Variants in GPS1 observed in about 807,000 individuals in gnomAD.
GPS1 encodes G protein pathway suppressor 1.
Under a neutral mutation model 60.0 loss-of-function variants are expected in GPS1, and 11 were observed. That is an observed-to-expected ratio of 0.18 (90% CI 0.12 to 0.30). The LOEUF is 0.30. Among genes scored for constraint, GPS1 ranks in the 10% least tolerant of loss-of-function variants. The probability of loss-of-function intolerance (pLI) is 1.00; values close to 1 mark genes in which losing one functional copy is unlikely to be tolerated. For synonymous variants in GPS1, 343 were observed against 269.8 expected (o/e 1.27, Z -2.66); for missense variants, 543 against 669.2 (o/e 0.81, Z 2.08).
At chr17:82,051,253 G>C, upstream of GPS1, 1 of 1,342,318 alleles carries the variant, frequency 7.4e-7, no homozygotes. The surrounding 1 kb of genome is among the most constrained non-coding windows in gnomAD (Gnocchi z 4.1). Flanking sequence ...AAAGGCTCGG[G>C]GGGCAGATCC....
chr17:82,057,400 AC>A lies in GPS1; in HGVS notation c.*277del, dbSNP rs1454425486. ...CAGGCCCAGTGGCACCATTTCCCAG[AC>A]CCCTCCTGTTCCCGCCTCAGTCAGG... On this transcript the variant is annotated 3_prime_UTR_variant, in exon 13 of 13. Coordinates refer to ENST00000578552, the MANE Select transcript of GPS1 (RefSeq NM_001321092.3). 1 of 650,200 alleles carries A rather than the reference AC, an allele frequency of 1.5e-6. No individual in the cohort carries two copies. Among genetic ancestry groups the A allele is most frequent in the East Asian group, 3.0e-5 (1 of 33,486 alleles). 40.3% of individuals were successfully genotyped at this position (650,200 alleles called of 1,614,324 possible). A position where few individuals can be genotyped will look rare whatever the true frequency, so the allele number is the denominator to read the frequency against.
At chr17:82,053,810 C>A in intron 2 of GPS1, 58 bp from the exon 3 acceptor site, 1 of 1,529,044 alleles carries the variant, frequency 6.5e-7, no homozygotes, top group Non-Finnish European at 8.9e-7. Flanking sequence ...ACCCTCAGGG[C>A]CTGGGGCCAG....
chr17:82,050,995 AG>A, upstream of GPS1: 1 of 1,421,398 alleles, frequency 7.0e-7, no homozygotes, highest in South Asian at 1.5e-5. Flanking sequence ...AACAGGACGG[AG>A]GCAGCTCGCC....
chr17:82,051,718 C>T (rs1463630374), upstream of GPS1: 3 of 1,044,636 alleles, frequency 2.9e-6, no homozygotes, highest in Non-Finnish European at 3.4e-6. This position sits in a 1 kb window ranked among gnomAD's most constrained non-coding sequence, Gnocchi z 4.1. Flanking sequence ...GCCAGGGCCG[C>T]GGCCAGCGCG....
rs1187482011 is a variant in GPS1, at chr17:82,056,091, A to C, written c.925A>C (p.Ser309Arg). 1 of 1,610,898 alleles carries C rather than the reference A, an allele frequency of 6.2e-7. No homozygotes were observed. Among genetic ancestry groups the C allele is most frequent in the East Asian group, 2.2e-5 (1 of 44,870 alleles). Residue 309 changes from serine to arginine, a missense_variant, in exon 8 of 13, where the codon AGC (serine) becomes CGC (arginine). Physicochemically the swap from Ser to Arg is moderately radical, Grantham distance 110. This residue lies in a region of GPS1 where 291 missense variants were observed against 353.7 expected (regional missense o/e 0.82). Coordinates refer to ENST00000578552, the MANE Select transcript of GPS1 (RefSeq NM_001321092.3). ...RQELQRNVIS[S>R]SSFKLFLELE... ...GGAGCTGCAGCGCAATGTCATCTCC[A>C]GCAGGTAGGTGCCCCGGTCCTGCAG...
chr17:82,051,676 G>A (rs2030640507), upstream of GPS1: 4 of 999,524 alleles, frequency 4.0e-6, no homozygotes, highest in Non-Finnish European at 4.8e-6. The surrounding 1 kb of genome is among the most constrained non-coding windows in gnomAD (Gnocchi z 4.1). Context: ...GCGGGCGCGC[G>A]GGGCAGCGGC....
At chr17:82,050,982 G>A (rs1438738776), upstream of GPS1, 7 of 1,426,712 alleles carry the variant, frequency 4.9e-6, 1 homozygote, top group South Asian at 4.5e-5. Flanking sequence ...TCTCTTGAGT[G>A]GAAACAGGAC....
Position 82,056,364 on chromosome 17 carries a change from A to G in GPS1, c.1008A>G (p.Ser336=). 2 of 1,613,124 alleles carry G rather than the reference A, an allele frequency of 1.2e-6. No homozygotes were observed. Among genetic ancestry groups the G allele is most frequent in the Non-Finnish European group, 1.7e-6 (2 of 1,179,834 alleles). ...IFKFYESKYA[S]CLKMLDEMKD... ...AATTCTACGAGTCCAAGTACGCCTC[A>G]TGTCTCAAGATGCTGGACGAGATGA... The change falls in exon 9 of 13, where the codon TCA becomes TCG. Residue 336 remains serine, a synonymous_variant. Coordinates refer to ENST00000578552, the MANE Select transcript of GPS1 (RefSeq NM_001321092.3).
chr17:82,054,813 C>T lies in GPS1; in HGVS notation c.609+3C>T, dbSNP rs778597131. The T allele has an allele frequency of 2.3e-5, 36 of 1,588,120 alleles. No individual in the cohort carries two copies. In the South Asian group the frequency reaches 3.6e-4, roughly 16 times the overall value. On this transcript the variant is annotated splice_donor_region_variant and intron_variant, in intron 4 of 12. Transcript: ENST00000578552. ...ACATGTGCCTCAATGTCATCAAGGT[C>T]GGCCTGCCTCGGCGGGCGGGGGTGG...
chr17:82,052,112 G>C (rs2030829171), intron 1 of GPS1, 148 bp downstream of exon 1: 1 of 826,242 alleles, frequency 1.2e-6, no homozygotes, highest in South Asian at 5.5e-5. Context: ...GCGCGTCGGG[G>C]GCTGCAGGGC....
intron 2 of GPS1, 82 bp downstream of exon 2, chr17:82,053,448 G>A: frequency 9.9e-7 from 1 of 1,014,824 alleles, no homozygotes. Flanking sequence ...AGCCTGCACA[G>A]CAGGTAGAAT....
At position 82,054,750 on chromosome 17, in the gene GPS1, G is replaced by T. The variant is rs116882446; in HGVS notation, c.549G>T (p.Arg183=). The part of the protein sequence containing the change: ...DLSNALKCYS[R]ARDYCTSAKH... ...GCAACGCCCTCAAGTGCTATTCCCG[G>T]GCCCGGGACTACTGCACCAGCGCCA... Residue 183 remains arginine, a synonymous_variant, in exon 4 of 13, where the codon CGG becomes CGT. Coordinates refer to ENST00000578552, the MANE Select transcript of GPS1 (RefSeq NM_001321092.3). 2,511 of 1,611,568 alleles carry T rather than the reference G, an allele frequency of 1.6e-3. 48 individuals are homozygous for T. The East Asian group carries it at 0.041, about 26-fold the overall frequency.
upstream of GPS1, chr17:82,051,588 A>ACGT (rs1319249731): frequency 7.6e-7 from 1 of 1,309,908 alleles, no homozygotes; most frequent in Non-Finnish European, 9.7e-7. The surrounding 1 kb of genome is among the most constrained non-coding windows in gnomAD (Gnocchi z 4.1). Flanking sequence ...GGCGATGAAG[A>ACGT]CGTCGTCAGG....
Position 82,056,111 on chromosome 17 carries a change from C to G in GPS1, c.929+16C>G. The G allele has an allele frequency of 1.3e-6, 2 of 1,596,416 alleles. No homozygotes were observed. The highest frequency in any genetic ancestry group is 1.7e-6 in the Non-Finnish European group (2 of 1,166,390). ...TCTCCAGCAGGTAGGTGCCCCGGTC[C>G]TGCAGCCCTGAAGGCTGTCCCCGTC... On this transcript the variant is annotated intron_variant, in intron 8 of 12. Transcript: ENST00000578552.
At chr17:82,054,472 G>T in intron 3 of GPS1, 38 bp from the exon 4 acceptor site, 2 of 1,455,276 alleles carry the variant, frequency 1.4e-6, no homozygotes, top group South Asian at 1.4e-5. Context: ...CCTGGCCCCC[G>T]TGACCGCCGC....
At chr17:82,055,110 A>C in intron 5 of GPS1, 52 bp from the exon 6 acceptor site, 4 of 1,565,016 alleles carry the variant, frequency 2.6e-6, no homozygotes, top group Non-Finnish European at 3.5e-6. Flanking sequence ...CTGGGCATCG[A>C]GCTCTAGGAA....
chr17:82,054,704 A>G lies in GPS1; in HGVS notation c.503A>G (p.Tyr168Cys), dbSNP rs868217672. 6.2e-7 allele frequency: 1 copy of G among 1,612,168 alleles called. No individual in the cohort carries two copies. Among genetic ancestry groups the G allele is most frequent in the Non-Finnish European group, 8.5e-7 (1 of 1,179,926 alleles). Residue 168 changes from tyrosine to cysteine, a missense_variant, in exon 4 of 13, where the codon TAC (tyrosine) becomes TGC (cysteine). By Grantham distance (194) the Tyr-to-Cys change is radical. Coordinates refer to ENST00000578552, the MANE Select transcript of GPS1 (RefSeq NM_001321092.3). The part of the protein sequence containing the change: ...RRGHDDLGDH[Y>C]LDCGDLSNAL... The stretch of plus-strand genomic sequence containing the variant: ...GGCCACGACGACCTGGGCGACCACT[A>G]CCTGGACTGTGGGGACCTCAGCAAC...
intron 4 of GPS1, 30 bp downstream of exon 4, chr17:82,054,840 C>T (rs370407144): frequency 6.3e-6 from 10 of 1,575,566 alleles, no homozygotes; most frequent in Non-Finnish European, 7.8e-6. Flanking sequence ...CGGGGGTGGG[C>T]AGCATGGCTG....
intron 2 of GPS1, 87 bp from the exon 3 acceptor site, chr17:82,053,781 A>C: frequency 7.6e-7 from 1 of 1,323,704 alleles, no homozygotes; most frequent in Admixed American, 2.1e-5. Flanking sequence ...TGGCTAGGAC[A>C]GTCAGGCCCC....
Sources: allele counts gnomAD v4.1 joint callset, GRCh38; gene constraint gnomAD v4.1.1; regional missense constraint gnomAD v4.1.1; non-coding constraint Gnocchi (gnomAD v3.1); transcripts MANE v1.5; gene names NCBI Gene and HGNC (gene_info 2026-07-23, HGNC 2026-07-21).